The following MCCC1 variants were observed in gnomAD, a reference collection of about 807,000 sequenced individuals.
The protein encoded by MCCC1 is methylcrotonoyl-CoA carboxylase subunit alpha, mitochondrial.
Under a neutral mutation model 83.8 loss-of-function variants are expected in MCCC1, and 64 were observed. That is an observed-to-expected ratio of 0.76 (90% CI 0.62 to 0.94). MCCC1 has a LOEUF of 0.94. Ranked by LOEUF, MCCC1 falls within the 40% of genes least tolerant of loss-of-function variation. The pLI, the probability that MCCC1 is intolerant of heterozygous loss-of-function variation, is 0.00. For missense variants in MCCC1, 807 were observed against 904.7 expected (o/e 0.89, Z 1.39); for synonymous variants, 322 against 315.4 (o/e 1.02, Z -0.22).
At chr3:183,057,536 T>TAAAGG in intron 7 of MCCC1, 114 bp from the exon 8 acceptor site, 1 of 865,886 alleles carries the variant, frequency 1.2e-6, no homozygotes, top group Non-Finnish European at 1.9e-6. Context: ...TTACTTCCTT[T>TAAAGG]AAGTAAGATC....
chr3:183,015,929 TTTG>T (rs934012109), intron 18 of MCCC1, among the ~76,000 whole-genome samples: 11 of 151,542 alleles, frequency 7.3e-5, no homozygotes, highest in Non-Finnish European at 1.5e-4. Flanking sequence ...TTTTTTGTTT[TTTG>T]TTGTTGTTGC....
chr3:183,056,061 T>C (rs549017208), intron 8 of MCCC1, among the ~76,000 whole-genome samples: 2 of 152,284 alleles, frequency 1.3e-5, no homozygotes, highest in African/African-American at 4.8e-5. Flanking sequence ...AAAATAAATG[T>C]ATGTCTAGAA....
At position 183,041,609 on chromosome 3, in the gene MCCC1, G is replaced by A. The variant is rs1484347924; in HGVS notation, c.1225C>T (p.Arg409Ter). 12 of 1,613,996 alleles carry A rather than the reference G, an allele frequency of 7.4e-6. No individual in the cohort carries two copies. The East Asian group carries it at 1.3e-4, about 18-fold the overall frequency. Residue 409 changes from arginine (R) to a stop codon, truncating the protein, a stop_gained, in exon 11 of 19, where the codon CGA becomes TGA. Coordinates refer to ENST00000265594, the MANE Select transcript of MCCC1 (RefSeq NM_020166.5). LOFTEE classifies it high-confidence loss of function. The stretch of plus-strand genomic sequence containing the variant: ...TCAATCCTGGTGGAAGGGTCTGCTC[G>A]AGGAGTAGAGAGGTGCACTAATGGG... ...AGPLVHLSTP[R>*]ADPSTRIETG...
At chr3:183,088,578 G>A (rs900959568) in intron 3 of MCCC1, among the ~76,000 whole-genome samples, 5 of 152,096 alleles carry the variant, frequency 3.3e-5, no homozygotes, top group African/African-American at 9.7e-5. Flanking sequence ...TAATACAAAC[G>A]CAAAGTAGCC....
chr3:183,090,746 C>T (rs977447028), intron 3 of MCCC1, among the ~76,000 whole-genome samples: 8 of 152,210 alleles, frequency 5.3e-5, no homozygotes, highest in African/African-American at 1.7e-4. Context: ...TGTGACACCA[C>T]GCCCAGCTAA....
intron 14 of MCCC1, among the ~76,000 whole-genome samples, chr3:183,027,434 T>C (rs1246128047): frequency 6.6e-6 from 1 of 152,228 alleles, no homozygotes; most frequent in African/African-American, 2.4e-5. Context: ...AGGCTTCTGA[T>C]GCCAAACCAC....
At chr3:183,092,672 A>G (rs969653229) in intron 2 of MCCC1, 127 bp from the exon 3 acceptor site, 57 of 1,185,698 alleles carry the variant, frequency 4.8e-5, no homozygotes, top group Non-Finnish European at 6.7e-5. Flanking sequence ...TAAAACTAGC[A>G]TAACTGAGCC....
At chr3:183,081,234 C>A (rs1717470871) in intron 4 of MCCC1, among the ~76,000 whole-genome samples, 1 of 152,232 alleles carries the variant, frequency 6.6e-6, no homozygotes, top group African/African-American at 2.4e-5. Flanking sequence ...TACCAGCGGG[C>A]TAATTCCCTT....
At position 183,020,992 on chromosome 3, in the gene MCCC1, A is replaced by G. The variant is rs912062028; in HGVS notation, c.1870-755T>C. Among the ~76,000 whole-genome samples the G allele has an allele frequency of 1.1e-3, 166 of 152,266 alleles. 1 individual carries two copies. The highest frequency in any genetic ancestry group is 3.9e-3 in the Admixed American group (59 of 15,298). On this transcript the variant is annotated intron_variant, in intron 16 of 18. Transcript: ENST00000265594. ...GGAGAATGGAGTGAACCCGGGAGGC[A>G]GAGCTTGCAGTGAGCCGAGATGGCA... is the stretch of plus-strand genomic sequence containing the variant.
chr3:183,038,822 A>G (rs1176360879), intron 12 of MCCC1, among the ~76,000 whole-genome samples: 3 of 152,218 alleles, frequency 2.0e-5, no homozygotes, highest in Non-Finnish European at 2.9e-5. Context: ...TACTTCTGCA[A>G]TCTTTCTTTT....
In MCCC1 at chr3:183,057,373, A is replaced by G; in HGVS notation, c.811T>C (p.Leu271=). 6.2e-7 allele frequency: 1 copy of G among 1,611,054 alleles called. No individual in the cohort carries two copies. The highest frequency in any genetic ancestry group is 8.5e-7 in the Non-Finnish European group (1 of 1,178,394). ...FGDHHGNAVY[L]FERDCSVQRR... is the part of the protein sequence containing the mutation. ...TGCACACTACAGTCTCTTTCAAACA[A>G]GTACACAGCATTGCCATGGTGATCA... The change falls in exon 8 of 19, where the codon TTG becomes CTG. Residue 271 remains leucine, a synonymous_variant. Coordinates refer to ENST00000265594, the MANE Select transcript of MCCC1 (RefSeq NM_020166.5).
upstream of MCCC1, among the ~76,000 whole-genome samples, chr3:183,099,866 T>C (rs957898595): frequency 1.3e-5 from 2 of 152,156 alleles, no homozygotes; most frequent in African/African-American, 4.8e-5. Context: ...CACAATTCTC[T>C]AGTGCTCTCA....
intron 17 of MCCC1, 35 bp from the exon 18 acceptor site, chr3:183,017,372 A>C: frequency 3.1e-6 from 5 of 1,599,744 alleles, no homozygotes; most frequent in Non-Finnish European, 4.3e-6. Flanking sequence ...ATATTTGAAA[A>C]CACAGAGGTC....
chr3:183,047,606 T>A (rs1714649290), intron 9 of MCCC1, among the ~76,000 whole-genome samples: 1 of 148,596 alleles, frequency 6.7e-6, no homozygotes, highest in Non-Finnish European at 1.5e-5. Flanking sequence ...AACAGATAGA[T>A]AATGTAAGCA....
At chr3:183,087,542 G>A (rs1223689295) in intron 3 of MCCC1, among the ~76,000 whole-genome samples, 2 of 152,170 alleles carry the variant, frequency 1.3e-5, no homozygotes, top group Non-Finnish European at 2.9e-5. Flanking sequence ...AAGGTGATCA[G>A]GAAATGCCTA....
At chr3:183,053,171 G>T (rs185977934) in intron 8 of MCCC1, among the ~76,000 whole-genome samples, 1 of 152,154 alleles carries the variant, frequency 6.6e-6, no homozygotes, top group East Asian at 1.9e-4. Context: ...TAACAGAAAA[G>T]GTTAAAAAGT....
At chr3:183,069,867 C>G (rs1039800076) in intron 7 of MCCC1, among the ~76,000 whole-genome samples, 1 of 152,176 alleles carries the variant, frequency 6.6e-6, no homozygotes, top group Non-Finnish European at 1.5e-5. Context: ...GGGATTCACA[C>G]TGCATTTGCT....
At chr3:183,047,772 G>C (rs1560231246) in intron 9 of MCCC1, among the ~76,000 whole-genome samples, 1 of 151,284 alleles carries the variant, frequency 6.6e-6, no homozygotes, top group African/African-American at 2.4e-5. Flanking sequence ...TATGACAACA[G>C]AAACTTCCAA....
chr3:183,033,471 T>C (rs1274002634), intron 14 of MCCC1, among the ~76,000 whole-genome samples: 4 of 152,230 alleles, frequency 2.6e-5, no homozygotes, highest in Non-Finnish European at 5.9e-5. Context: ...GTTGTGAAGA[T>C]AAAAACTTAC....
Sources: allele counts gnomAD v4.1 joint callset (sites outside exome capture counted in the v4.1 genomes callset), GRCh38; gene constraint gnomAD v4.1.1; transcripts MANE v1.5; gene names NCBI Gene and HGNC (gene_info 2026-07-23, HGNC 2026-07-21).